SMURF2: variants seen among roughly 807,000 people sequenced by gnomAD.
SMURF2 encodes SMAD specific E3 ubiquitin protein ligase 2, also known as E3 ubiquitin-protein ligase SMURF2.
A neutral mutation model predicts 109.6 loss-of-function variants in SMURF2; 48 were observed. That is an observed-to-expected ratio of 0.44 (90% CI 0.35 to 0.56). The LOEUF (loss-of-function observed/expected upper bound fraction) is 0.56, where lower values mean the gene tolerates loss of function less well. Ranked by LOEUF, SMURF2 falls within the 20% of genes least tolerant of loss-of-function variation. SMURF2 has a pLI of 0.01. For synonymous variants in SMURF2, 288 were observed against 317.1 expected (o/e 0.91, Z 0.97); for missense variants, 575 against 909.0 (o/e 0.63, Z 4.72).
At chr17:64,661,142 C>G (rs1970769656) in intron 1 of SMURF2, among the ~76,000 whole-genome samples, 1 of 152,040 alleles carries the variant, frequency 6.6e-6, no homozygotes, top group African/African-American at 2.4e-5. Flanking sequence ...GTTCTGCGGC[C>G]TAAAAGGAAC....
rs541452571 is a variant in SMURF2 at position 64,609,742 on chromosome 17, G to A, written c.53-3102C>T. Among the ~76,000 whole-genome samples the A allele has an allele frequency of 4.7e-4, 72 of 151,972 alleles. 1 individual carries two copies. The highest frequency in any genetic ancestry group is 2.1e-3 in the South Asian group (10 of 4,814). ...AGACTTCATGACTAAAACACCAAAC[G>A]CAATGGCAACAAAAGCCAAAATAGA... is the stretch of plus-strand genomic sequence containing the variant. On this transcript the variant is annotated intron_variant, in intron 1 of 18. Coordinates refer to ENST00000262435, the MANE Select transcript of SMURF2 (RefSeq NM_022739.4).
chr17:64,570,280 C>A (rs1969379283), intron 10 of SMURF2, among the ~76,000 whole-genome samples: 1 of 152,102 alleles, frequency 6.6e-6, no homozygotes, highest in Non-Finnish European at 1.5e-5. Flanking sequence ...AAGAACTTTA[C>A]AACAAATGAA....
intron 1 of SMURF2, 53 bp downstream of exon 1, chr17:64,661,776 C>T: frequency 4.2e-6 from 5 of 1,197,706 alleles, no homozygotes; most frequent in Non-Finnish European, 3.1e-6. Flanking sequence ...AGGCACCCCC[C>T]GCCAGCTCGC....
intron 2 of SMURF2, among the ~76,000 whole-genome samples, chr17:64,601,169 T>C (rs1215349099): frequency 3.9e-5 from 6 of 152,016 alleles, no homozygotes; most frequent in Admixed American, 3.9e-4. Context: ...AATGGGAGGA[T>C]TGCTTGAGCC....
At chr17:64,602,952 T>C (rs1555688722) in intron 2 of SMURF2, among the ~76,000 whole-genome samples, 4 of 151,984 alleles carry the variant, frequency 2.6e-5, no homozygotes, top group South Asian at 2.1e-4. Flanking sequence ...TTTTTTTGTC[T>C]CAATTCTCCC....
chr17:64,571,911 A>G lies in SMURF2; in HGVS notation c.903T>C (p.Pro301=), dbSNP rs1969404275. The G allele has an allele frequency of 2.5e-6, 4 of 1,613,974 alleles. No individual in the cohort carries two copies. The highest frequency in any genetic ancestry group is 3.4e-6 in the Non-Finnish European group (4 of 1,179,908). The change falls in exon 10 of 19, where the codon CCT becomes CCC. Residue 301 remains proline, a synonymous_variant. Coordinates refer to ENST00000262435, the MANE Select transcript of SMURF2 (RefSeq NM_022739.4). ...INCEELGPLP[P]GWEIRNTATG... ...TTGCCGTATTACGGATCTCCCATCC[A>G]GGAGGCAATGGACCAAGCTCTTCAC...
intron 10 of SMURF2, 45 bp downstream of exon 10, chr17:64,571,753 T>A (rs1555685581): frequency 6.5e-7 from 1 of 1,549,028 alleles, no homozygotes; most frequent in Admixed American, 1.8e-5. Context: ...ATGCGTTTCA[T>A]CATGTTTAAC....
At chr17:64,596,584 A>AC (rs1969821282) in intron 3 of SMURF2, among the ~76,000 whole-genome samples, 1 of 140,562 alleles carries the variant, frequency 7.1e-6, no homozygotes, top group Admixed American at 7.3e-5. Flanking sequence ...AGGAGAGTAA[A>AC]CAAAAAAAAA....
intron 10 of SMURF2, 142 bp downstream of exon 10, chr17:64,571,656 T>G (rs1969400700): frequency 2.5e-6 from 2 of 804,574 alleles, no homozygotes; most frequent in Admixed American, 3.1e-5. Flanking sequence ...TGGCCTCAAG[T>G]GATCCTGCTG....
intron 3 of SMURF2, among the ~76,000 whole-genome samples, chr17:64,597,745 C>T (rs541650406): frequency 2.7e-4 from 41 of 150,572 alleles, no homozygotes; most frequent in Non-Finnish European, 4.1e-4. Context: ...TGCACTCCAA[C>T]CTGGGTGACA....
chr17:64,613,431 T>C (rs1170795320), intron 1 of SMURF2, among the ~76,000 whole-genome samples: 2 of 152,154 alleles, frequency 1.3e-5, no homozygotes, highest in African/African-American at 2.4e-5. Flanking sequence ...TTAGGAATCA[T>C]GGGACTAGGG....
chr17:64,655,252 C>CTTTTT (rs749497302), intron 1 of SMURF2, among the ~76,000 whole-genome samples: 6 of 85,902 alleles, frequency 7.0e-5, no homozygotes, highest in Non-Finnish European at 6.5e-5. Context: ...AATGAAATGT[C>CTTTTT]TTTTTTTTTT....
At chr17:64,619,471 CTT>C (rs1482820062) in intron 1 of SMURF2, among the ~76,000 whole-genome samples, 13 of 96,552 alleles carry the variant, frequency 1.3e-4, no homozygotes, top group South Asian at 3.7e-4. Flanking sequence ...CGGCGAGACT[CTT>C]GTCTCAAAAA....
chr17:64,650,328 C>A, intron 1 of SMURF2, among the ~76,000 whole-genome samples: 1 of 141,462 alleles, frequency 7.1e-6, no homozygotes, highest in East Asian at 1.9e-4. Context: ...CACACCATCA[C>A]ACGGGTTTTT....
intron 10 of SMURF2, among the ~76,000 whole-genome samples, chr17:64,565,249 G>T (rs1015214294): frequency 6.7e-6 from 1 of 149,572 alleles, no homozygotes; most frequent in South Asian, 2.1e-4. Context: ...TGCACTCAGG[G>T]AAAAAAAAAA....
rs1969305868 is a variant in SMURF2, at chr17:64,566,561, G to GTTTGTTTGTTTTTTTTTT, written c.1017-3596_1017-3595insAAAAAAAAAACAAACAAA. Among the ~76,000 whole-genome samples, 15 of 43,800 alleles carry GTTTGTTTGTTTTTTTTTT rather than the reference G, an allele frequency of 3.4e-4. 1 individual carries two copies. Among genetic ancestry groups the GTTTGTTTGTTTTTTTTTT allele is most frequent in the African/African-American group, 1.1e-3 (14 of 13,308 alleles). The allele number at this position is 43,800 out of a possible 152,430, so 28.7% of individuals were successfully genotyped here. A position where few individuals can be genotyped will look rare whatever the true frequency, so the allele number is the denominator to read the frequency against. ...GATGTAGAAATGCTTAAGCTTTCTG[G>GTTTGTTTGTTTTTTTTTT]TTTTTTTTTTTTTTTTTTTTTTTTT... is the stretch of plus-strand genomic sequence containing the variant. On this transcript the variant is annotated intron_variant, in intron 10 of 18. Transcript: ENST00000262435.
At chr17:64,638,058 T>G (rs1330713472) in intron 1 of SMURF2, among the ~76,000 whole-genome samples, 1 of 142,144 alleles carries the variant, frequency 7.0e-6, no homozygotes, top group Non-Finnish European at 1.5e-5. Context: ...TTTTTTTCCT[T>G]TTTCTTTTTT....
intron 1 of SMURF2, among the ~76,000 whole-genome samples, chr17:64,616,939 G>C (rs1020002253): frequency 2.7e-5 from 4 of 150,504 alleles, no homozygotes; most frequent in African/African-American, 9.8e-5. Flanking sequence ...AAAATAGCCC[G>C]GCATGGTGGT....
chr17:64,621,396 A>G (rs1187328437), intron 1 of SMURF2, among the ~76,000 whole-genome samples: 1 of 152,078 alleles, frequency 6.6e-6, no homozygotes, highest in Middle Eastern at 3.4e-3. Context: ...CCTGGCCGAC[A>G]TGGCAAAATC....
Sources: allele counts gnomAD v4.1 joint callset (sites outside exome capture counted in the v4.1 genomes callset), GRCh38; gene constraint gnomAD v4.1.1; transcripts MANE v1.5; gene names NCBI Gene and HGNC (gene_info 2026-07-23, HGNC 2026-07-21).